FLT1: variants seen among roughly 807,000 people sequenced by gnomAD.
The protein encoded by FLT1 is fms related receptor tyrosine kinase 1, also known as vascular endothelial growth factor receptor 1.
Under a neutral mutation model 156.3 loss-of-function variants are expected in FLT1, and 49 were observed. The observed-to-expected ratio is 0.31, with a 90% CI of 0.25 to 0.40. FLT1 has a LOEUF of 0.40. Ranked by LOEUF, FLT1 falls within the 10% of genes least tolerant of loss-of-function variation. The pLI is 1.00. For synonymous variants in FLT1, 594 were observed against 583.8 expected, an observed-to-expected ratio of 1.02 and a Z score of -0.25; for missense variants, 1,322 against 1,637.2, an observed-to-expected ratio of 0.81 and a Z score of 3.32.
chr13:28,443,495 A>G (rs556729991), intron 3 of FLT1, among the ~76,000 whole-genome samples: 2 of 152,334 alleles, frequency 1.3e-5, no homozygotes, highest in Non-Finnish European at 2.9e-5. Flanking sequence ...GTTCAAGAGT[A>G]AACACATTGT....
At chr13:28,425,859 A>C (rs986249789) in intron 10 of FLT1, among the ~76,000 whole-genome samples, 1 of 152,198 alleles carries the variant, frequency 6.6e-6, no homozygotes, top group African/African-American at 2.4e-5. Context: ...TCACTGTCTT[A>C]TGTGTTAAAC....
At chr13:28,360,591 G>C (rs574657916) in intron 14 of FLT1, among the ~76,000 whole-genome samples, 32 of 152,298 alleles carry the variant, frequency 2.1e-4, no homozygotes, top group Middle Eastern at 3.4e-3. Flanking sequence ...CAGGCACTGA[G>C]AGACAAATGC....
intron 1 of FLT1, among the ~76,000 whole-genome samples, chr13:28,472,546 C>A (rs1436804847): frequency 6.6e-6 from 1 of 152,218 alleles, no homozygotes; most frequent in Admixed American, 6.5e-5. Context: ...TCGAACCCAA[C>A]TTCAAGACAA....
chr13:28,360,789 C>A lies in FLT1; in HGVS notation c.2117-3104G>T, dbSNP rs764378576. On this transcript the variant is annotated intron_variant, in intron 14 of 29. Transcript: ENST00000282397. ...GGCATTCTATTACACAGCAAAGTGA[C>A]AACAGCTAAAAATAATGCACATTTC... 2.4e-4 allele frequency among the ~76,000 whole-genome samples: 36 copies of A among 152,142 alleles called. No homozygotes were observed. The Middle Eastern group carries it at 0.014, about 57-fold the overall frequency.
chr13:28,424,593 C>T (rs1877233936), intron 10 of FLT1, among the ~76,000 whole-genome samples: 1 of 152,214 alleles, frequency 6.6e-6, no homozygotes, highest in Non-Finnish European at 1.5e-5. Context: ...CATTAACTGT[C>T]TGGCCATATT....
chr13:28,434,029 T>A, intron 5 of FLT1, 29 bp downstream of exon 5: 2 of 1,614,104 alleles, frequency 1.2e-6, no homozygotes, highest in Non-Finnish European at 1.7e-6. Flanking sequence ...CACTTCGGCT[T>A]ATGTTCATGC....
intron 4 of FLT1, among the ~76,000 whole-genome samples, chr13:28,435,682 C>T (rs1877986746): frequency 6.6e-6 from 1 of 152,186 alleles, no homozygotes; most frequent in South Asian, 2.1e-4. Context: ...GATCCTATGG[C>T]AGAGATTTCT....
intron 1 of FLT1, among the ~76,000 whole-genome samples, chr13:28,483,016 T>C (rs1210220585): frequency 6.6e-6 from 1 of 152,206 alleles, no homozygotes; most frequent in African/African-American, 2.4e-5. Flanking sequence ...TCAAAGTCCA[T>C]TCCAGGGCAC....
At chr13:28,462,646 C>T (rs1053955689) in intron 3 of FLT1, among the ~76,000 whole-genome samples, 2 of 152,188 alleles carry the variant, frequency 1.3e-5, no homozygotes, top group African/African-American at 4.8e-5. Flanking sequence ...GGTGCCTTTG[C>T]ATCAAGGTAA....
chr13:28,326,520 CTTTTTT>C (rs58719749), intron 20 of FLT1, among the ~76,000 whole-genome samples: 5 of 80,010 alleles, frequency 6.2e-5, no homozygotes, highest in African/African-American at 9.5e-5. Context: ...CTCTCTCTCT[CTTTTTT>C]TTTTTTTTTT....
At chr13:28,343,369 C>T (rs1390350026) in intron 16 of FLT1, among the ~76,000 whole-genome samples, 2 of 151,516 alleles carry the variant, frequency 1.3e-5, no homozygotes, top group African/African-American at 4.9e-5. Flanking sequence ...GGGGTGATCT[C>T]GGCTCACTGC....
At chr13:28,459,924 G>A (rs1451070334) in intron 3 of FLT1, among the ~76,000 whole-genome samples, 2 of 152,254 alleles carry the variant, frequency 1.3e-5, no homozygotes, top group African/African-American at 2.4e-5. Flanking sequence ...CCACATTCCT[G>A]GTGCATTTCC....
intron 10 of FLT1, among the ~76,000 whole-genome samples, chr13:28,416,465 G>A (rs551643286): frequency 6.6e-6 from 1 of 152,316 alleles, no homozygotes; most frequent in South Asian, 2.1e-4. Flanking sequence ...GGTTGATGTT[G>A]TGCTGGAAAG....
rs547517523 is a variant in FLT1, at chr13:28,486,778, C to T, written c.64+8002G>A. Reference sequence around the variant, plus strand: ...CTCTACTAGCACATACTCTTCCTGGCAGGAATTCTCGTAAATAGTTTCTTC... The same window carrying T: ...CTCTACTAGCACATACTCTTCCTGGTAGGAATTCTCGTAAATAGTTTCTTC... On this transcript the variant is annotated intron_variant, in intron 1 of 29. Coordinates refer to ENST00000282397, the MANE Select transcript of FLT1 (RefSeq NM_002019.4). 3.5e-4 allele frequency among the ~76,000 whole-genome samples: 53 copies of T among 152,358 alleles called. No homozygotes were observed. In the Middle Eastern group the frequency reaches 0.017, roughly 49 times the overall value.
chr13:28,420,334 A>C (rs1876927791), intron 10 of FLT1, among the ~76,000 whole-genome samples: 1 of 152,228 alleles, frequency 6.6e-6, no homozygotes, highest in Non-Finnish European at 1.5e-5. Flanking sequence ...TCTTTGGTCA[A>C]GTGGTCTTCT....
At chr13:28,448,765 A>C (rs1309345480) in intron 3 of FLT1, among the ~76,000 whole-genome samples, 1 of 152,198 alleles carries the variant, frequency 6.6e-6, no homozygotes, top group East Asian at 1.9e-4. Context: ...TCTCAATAAA[A>C]CTTATTTTGA....
chr13:28,490,256 C>CA, intron 1 of FLT1, among the ~76,000 whole-genome samples: 1 of 152,248 alleles, frequency 6.6e-6, no homozygotes, highest in South Asian at 2.1e-4. Flanking sequence ...TCAAAGAGCT[C>CA]AAAATTGAGG....
intron 1 of FLT1, among the ~76,000 whole-genome samples, chr13:28,473,360 C>A (rs1880284792): frequency 6.6e-6 from 1 of 151,608 alleles, no homozygotes; most frequent in South Asian, 2.1e-4. Flanking sequence ...AAGAAACAAC[C>A]CAGGCCCAGC....
intron 13 of FLT1, chr13:28,386,470 A>T (rs1273833277): frequency 2.9e-6 from 3 of 1,046,376 alleles, no homozygotes; most frequent in Non-Finnish European, 3.5e-6. Flanking sequence ...AAGGCAAAAA[A>T]GTGTGCTGAA....
Sources: allele counts gnomAD v4.1 joint callset (sites outside exome capture counted in the v4.1 genomes callset), GRCh38; gene constraint gnomAD v4.1.1; transcripts MANE v1.5; gene names NCBI Gene and HGNC (gene_info 2026-07-23, HGNC 2026-07-21).